The following BCL11B variants were observed in gnomAD, a reference collection of about 807,000 sequenced individuals.
BCL11B encodes the protein BCL11 transcription factor B, also known as B-cell lymphoma/leukemia 11B.
Under a neutral mutation model 49.9 loss-of-function variants are expected in BCL11B, and 8 were observed. That is an observed-to-expected ratio of 0.16 (90% confidence interval 0.09 to 0.29). BCL11B has a LOEUF of 0.29. BCL11B is among the 10% of genes least tolerant of loss of function. The probability of loss-of-function intolerance (pLI) is 1.00; values close to 1 mark genes in which losing one functional copy is unlikely to be tolerated. For missense variants in BCL11B, 1,006 were observed against 1,351.0 expected (o/e 0.74, Z 4.00); for synonymous variants, 739 against 637.4 (o/e 1.16, Z -2.40).
chr14:99,210,388 C>T (rs941592885), intron 3 of BCL11B, among the ~76,000 whole-genome samples: 2 of 152,214 alleles, frequency 1.3e-5, no homozygotes, highest in Non-Finnish European at 1.5e-5. Context: ...AGCTGCCCTA[C>T]ATCCCTGGGC....
chr14:99,266,106 T>C (rs1275820647), intron 1 of BCL11B, among the ~76,000 whole-genome samples: 1 of 152,234 alleles, frequency 6.6e-6, no homozygotes, highest in East Asian at 1.9e-4. Flanking sequence ...ACATACTCTT[T>C]CCAAACAAAG....
intron 2 of BCL11B, among the ~76,000 whole-genome samples, chr14:99,236,549 C>T (rs1483794396): frequency 1.3e-5 from 2 of 152,272 alleles, no homozygotes; most frequent in Non-Finnish European, 1.5e-5. Flanking sequence ...CAGGCATGAA[C>T]TGTGGTCATC....
intron 2 of BCL11B, among the ~76,000 whole-genome samples, chr14:99,255,892 G>A (rs1402809689): frequency 1.3e-5 from 2 of 152,208 alleles, no homozygotes. Context: ...GAAAGTGTAT[G>A]AGACACTTCA....
At position 99,241,970 on chromosome 14, in the gene BCL11B, T is replaced by C. The variant is rs576540732; in HGVS notation, c.428-10413A>G. 6.6e-6 allele frequency among the ~76,000 whole-genome samples: 1 copy of C among 152,288 alleles called. No homozygotes were observed. The highest frequency in any genetic ancestry group is 6.5e-5 in the Admixed American group (1 of 15,298). On this transcript the variant is annotated intron_variant, in intron 2 of 3. Coordinates refer to ENST00000357195, the MANE Select transcript of BCL11B (RefSeq NM_138576.4). This position sits in a 1 kb window ranked among gnomAD's most constrained non-coding sequence, Gnocchi z 4.4. Reference sequence around the variant, plus strand: ...CAAGCGTAAACATGATTTATTTAGCTGTGTTTAACGTGTCTGTCCTCCACT... The same window carrying C: ...CAAGCGTAAACATGATTTATTTAGCCGTGTTTAACGTGTCTGTCCTCCACT...
chr14:99,226,483 G>A (rs1888165502), intron 3 of BCL11B, among the ~76,000 whole-genome samples: 1 of 152,196 alleles, frequency 6.6e-6, no homozygotes, highest in Non-Finnish European at 1.5e-5. Context: ...GGCCTGGTGA[G>A]GCTACCATCT....
At chr14:99,225,345 A>T (rs973052883) in intron 3 of BCL11B, among the ~76,000 whole-genome samples, 7 of 152,102 alleles carry the variant, frequency 4.6e-5, no homozygotes, top group African/African-American at 1.7e-4. Context: ...TTATAGACTG[A>T]CTTGACCTCA....
rs17095103 is a variant in BCL11B at position 99,246,276 on chromosome 14, A to T, written c.427+11195T>A. Among the ~76,000 whole-genome samples the T allele has an allele frequency of 6.0e-3, 921 of 152,334 alleles. 24 individuals are homozygous for T. Among genetic ancestry groups the T allele is most frequent in the Admixed American group, 0.053 (813 of 15,304 alleles). On this transcript the variant is annotated intron_variant, in intron 2 of 3. Transcript: ENST00000357195. The stretch of plus-strand genomic sequence containing the variant: ...CCGCCCGCCCCTCGCCGCCCGGCTC[A>T]GGCAGCTGCTCCATTAAGCCCCCGA...
intron 2 of BCL11B, among the ~76,000 whole-genome samples, chr14:99,255,355 C>T (rs1350358051): frequency 1.5e-5 from 2 of 132,068 alleles, no homozygotes; most frequent in East Asian, 2.4e-4. Context: ...GAATATCTTT[C>T]GTCACACATA....
At chr14:99,237,452 G>A (rs773532908) in intron 2 of BCL11B, among the ~76,000 whole-genome samples, 19 of 152,234 alleles carry the variant, frequency 1.2e-4, no homozygotes, top group Non-Finnish European at 2.8e-4. Flanking sequence ...GGTGTGCCAC[G>A]TGGCTCAGCT....
intron 2 of BCL11B, among the ~76,000 whole-genome samples, chr14:99,244,300 C>A (rs974118869): frequency 1.3e-5 from 2 of 151,540 alleles, no homozygotes; most frequent in African/African-American, 2.4e-5. Flanking sequence ...TTACCCCCCC[C>A]TCACACACAC....
chr14:99,263,945 G>A (rs1889409398), intron 1 of BCL11B, among the ~76,000 whole-genome samples: 1 of 152,130 alleles, frequency 6.6e-6, no homozygotes, highest in African/African-American at 2.4e-5. Context: ...TAAAATAGGC[G>A]CTTTAAAGAA....
chr14:99,245,225 G>A (rs1363747932), intron 2 of BCL11B, among the ~76,000 whole-genome samples: 1 of 152,190 alleles, frequency 6.6e-6, no homozygotes, highest in Non-Finnish European at 1.5e-5. Flanking sequence ...CTCCTAGCAA[G>A]GTGACGATTT....
At chr14:99,235,615 TTTTA>T (rs1261776655) in intron 2 of BCL11B, among the ~76,000 whole-genome samples, 3 of 151,968 alleles carry the variant, frequency 2.0e-5, no homozygotes, top group Admixed American at 6.5e-5. Flanking sequence ...GTTTCTCCCT[TTTTA>T]TTTATTTATT....
In BCL11B at chr14:99,173,088, A is replaced by AT. The variant is rs1332079942; in HGVS notation, c.*1062dup. On this transcript the variant is annotated 3_prime_UTR_variant, in exon 4 of 4. Transcript: ENST00000357195. The stretch of plus-strand genomic sequence containing the variant: ...ATTTGAGATTTATGTGGTGGGGGTG[A>AT]TTTAAAAAAAGAGAGAAGCCGTCAA... 4.3e-6 allele frequency: 1 copy of AT among 229,922 alleles called. No individual in the cohort carries two copies. Among genetic ancestry groups the AT allele is most frequent in the Non-Finnish European group, 8.6e-6 (1 of 116,072 alleles). The allele number at this position is 229,922 out of a possible 1,614,324, so 14.2% of individuals were successfully genotyped here.
At chr14:99,267,969 C>T (rs911281962) in intron 1 of BCL11B, among the ~76,000 whole-genome samples, 2 of 152,198 alleles carry the variant, frequency 1.3e-5, no homozygotes, top group African/African-American at 4.8e-5. Context: ...TCCCTTCACC[C>T]TGGCCCTGTC....
At chr14:99,208,185 C>T (rs981598160) in intron 3 of BCL11B, among the ~76,000 whole-genome samples, 12 of 152,148 alleles carry the variant, frequency 7.9e-5, no homozygotes. Flanking sequence ...TGTTTTAAAG[C>T]AAGAGGCGAA....
chr14:99,230,173 A>G (rs1264145313), intron 3 of BCL11B, among the ~76,000 whole-genome samples: 1 of 152,196 alleles, frequency 6.6e-6, no homozygotes, highest in African/African-American at 2.4e-5. Context: ...TGGACCCTGG[A>G]GCAGGGGCTG....
rs200999902 is a variant in BCL11B at position 99,243,918 on chromosome 14, TAAAAAAAAAAAAAAAAAAAA to T, written c.428-12381_428-12362del. Among the ~76,000 whole-genome samples the T allele has an allele frequency of 9.4e-3, 1,202 of 128,178 alleles. 23 individuals carry two copies. The highest frequency in any genetic ancestry group is 0.031 in the African/African-American group (1,135 of 36,792). 84.1% of individuals were successfully genotyped at this position (128,178 alleles called of 152,430 possible). A position where few individuals can be genotyped will look rare whatever the true frequency, so the allele number is the denominator to read the frequency against. On this transcript the variant is annotated intron_variant, in intron 2 of 3. Transcript: ENST00000357195. The stretch of plus-strand genomic sequence containing the variant: ...AGGCAAATCTCCCACACATTGCTCC[TAAAAAAAAAAAAAAAAAAAA>T]AAAAAAAAAAAAAAGCAAGGAAAGT...
Position 99,180,877 on chromosome 14 carries a change from G to A in BCL11B, c.641-4682C>T, listed in dbSNP as rs77782887. ...AACTTGCAAACATTGAGGAAACATC[G>A]TTTTTTATTATGATGCTTGGGAACC... On this transcript the variant is annotated intron_variant, in intron 3 of 3. Transcript: ENST00000357195. Among the ~76,000 whole-genome samples, 970 of 152,228 alleles carry A rather than the reference G, an allele frequency of 6.4e-3. 11 individuals are homozygous for A. The highest frequency in any genetic ancestry group is 0.02 in the African/African-American group (824 of 41,542).
Sources: allele counts gnomAD v4.1 joint callset (sites outside exome capture counted in the v4.1 genomes callset), GRCh38; gene constraint gnomAD v4.1.1; non-coding constraint Gnocchi (gnomAD v3.1); transcripts MANE v1.5; gene names NCBI Gene and HGNC (gene_info 2026-07-23, HGNC 2026-07-21).